SUCLG2: variants seen among roughly 807,000 people sequenced by gnomAD.
SUCLG2 encodes the protein succinate-CoA ligase GDP-forming subunit beta, also known as succinate--CoA ligase [GDP-forming] subunit beta, mitochondrial.
In SUCLG2, 42 loss-of-function variants were observed where a neutral mutation model predicts 47.9. The ratio of observed to expected loss-of-function variants is 0.88; its 90% CI spans 0.69 to 1.14. SUCLG2 has a LOEUF of 1.14. Ranked by LOEUF, SUCLG2 falls within the 50% of genes most tolerant of loss-of-function variation. SUCLG2 has a pLI of 0.00. For synonymous variants in SUCLG2, 195 were observed against 197.3 expected (o/e 0.99, Z 0.10); for missense variants, 571 against 525.9 (o/e 1.09, Z -0.84).
At chr3:67,499,153 G>T (rs973524408) in intron 7 of SUCLG2, among the ~76,000 whole-genome samples, 1 of 151,538 alleles carries the variant, frequency 6.6e-6, no homozygotes, top group Admixed American at 6.7e-5. Flanking sequence ...ACAGTGAAAT[G>T]ATTACTACAC....
At chr3:67,567,001 T>C (rs1559575379) in intron 2 of SUCLG2, among the ~76,000 whole-genome samples, 1 of 152,094 alleles carries the variant, frequency 6.6e-6, no homozygotes, top group Admixed American at 6.5e-5. Context: ...CCTGGCAACA[T>C]GGCAAAACCC....
chr3:67,533,208 TA>T (rs970179837), intron 2 of SUCLG2, among the ~76,000 whole-genome samples: 17 of 152,358 alleles, frequency 1.1e-4, no homozygotes, highest in Admixed American at 8.5e-4. Context: ...AACTATTTTT[TA>T]AAAACAGTTC....
At chr3:67,486,320 G>C (rs954858013) in intron 9 of SUCLG2, among the ~76,000 whole-genome samples, 1 of 152,154 alleles carries the variant, frequency 6.6e-6, no homozygotes, top group Non-Finnish European at 1.5e-5. Context: ...GAAAGAGAAA[G>C]AAAAGGTGTC....
intron 2 of SUCLG2, among the ~76,000 whole-genome samples, chr3:67,533,634 T>C (rs573461412): frequency 9.9e-4 from 151 of 152,166 alleles, no homozygotes; most frequent in Non-Finnish European, 1.7e-3. Context: ...AATATACAAT[T>C]ATATAGAGAT....
At chr3:67,434,515 TA>T (rs1351459944) in intron 9 of SUCLG2, among the ~76,000 whole-genome samples, 1 of 151,908 alleles carries the variant, frequency 6.6e-6, no homozygotes, top group Non-Finnish European at 1.5e-5. Flanking sequence ...TTCCTGTCTC[TA>T]ACAATAACAA....
intron 2 of SUCLG2, among the ~76,000 whole-genome samples, chr3:67,553,455 A>G (rs1029776648): frequency 6.6e-6 from 1 of 152,250 alleles, no homozygotes; most frequent in African/African-American, 2.4e-5. Flanking sequence ...TGAAAATTAT[A>G]AGTTTAAAAT....
At chr3:67,515,442 T>C (rs1047828599) in intron 6 of SUCLG2, among the ~76,000 whole-genome samples, 6 of 152,200 alleles carry the variant, frequency 3.9e-5, no homozygotes, top group Admixed American at 3.9e-4. Flanking sequence ...CTGGTAATTT[T>C]TATGTAAAGC....
At chr3:67,586,105 C>G (rs1391121669) in intron 2 of SUCLG2, among the ~76,000 whole-genome samples, 1 of 151,826 alleles carries the variant, frequency 6.6e-6, no homozygotes, top group Non-Finnish European at 1.5e-5. Context: ...CCCACTTTAT[C>G]AGAACTACTT....
In SUCLG2 at chr3:67,630,327, T is replaced by C. The variant is rs552331476; in HGVS notation, c.85-20731A>G. Among the ~76,000 whole-genome samples, 7 of 152,312 alleles carry C rather than the reference T, an allele frequency of 4.6e-5. No homozygotes were observed. The South Asian group carries it at 8.3e-4, about 18-fold the overall frequency. On this transcript the variant is annotated intron_variant, in intron 1 of 10. Coordinates refer to ENST00000307227, the MANE Select transcript of SUCLG2 (RefSeq NM_003848.4). ...AGAAAATCATTTAAACTGTAGACTT[T>C]GGTGGTTCTATTATATAGAAGATTA...
At chr3:67,552,049 C>T (rs1707027559) in intron 2 of SUCLG2, among the ~76,000 whole-genome samples, 1 of 151,880 alleles carries the variant, frequency 6.6e-6, no homozygotes, top group Non-Finnish European at 1.5e-5. Flanking sequence ...CAGCAAGAAG[C>T]CACGCCACCC....
At chr3:67,559,517 T>C (rs954841721) in intron 2 of SUCLG2, among the ~76,000 whole-genome samples, 3 of 152,036 alleles carry the variant, frequency 2.0e-5, no homozygotes, top group Admixed American at 2.0e-4. Context: ...GAGAACAGCA[T>C]AGGGGAAACC....
At chr3:67,424,628 A>G (rs1309927245) in intron 9 of SUCLG2, among the ~76,000 whole-genome samples, 1 of 152,144 alleles carries the variant, frequency 6.6e-6, no homozygotes, top group African/African-American at 2.4e-5. Context: ...ATAGATAATC[A>G]TGTCTTAAAA....
chr3:67,554,818 G>A (rs1707113436), intron 2 of SUCLG2, among the ~76,000 whole-genome samples: 1 of 152,112 alleles, frequency 6.6e-6, no homozygotes, highest in African/African-American at 2.4e-5. Context: ...CTAGTTACAA[G>A]GGAGGTTGGG....
chr3:67,425,900 C>G (rs1278503522), intron 9 of SUCLG2, among the ~76,000 whole-genome samples: 1 of 152,186 alleles, frequency 6.6e-6, no homozygotes, highest in Non-Finnish European at 1.5e-5. Context: ...AAAATTTAGC[C>G]TCAAATAGAG....
At chr3:67,392,174 C>T (rs1174844472) in intron 10 of SUCLG2, among the ~76,000 whole-genome samples, 2 of 152,158 alleles carry the variant, frequency 1.3e-5, no homozygotes, top group Non-Finnish European at 2.9e-5. Context: ...CCTTCACTGA[C>T]CCCTGTGGAC....
intron 9 of SUCLG2, among the ~76,000 whole-genome samples, chr3:67,460,148 G>A (rs1209253370): frequency 6.6e-6 from 1 of 152,154 alleles, no homozygotes; most frequent in Non-Finnish European, 1.5e-5. Context: ...AGTAGGCCCT[G>A]CCTTATACCA....
intron 6 of SUCLG2, among the ~76,000 whole-genome samples, chr3:67,510,889 C>CTTTT (rs369542916): frequency 1.6e-5 from 2 of 124,128 alleles, no homozygotes; most frequent in Admixed American, 8.3e-5. Flanking sequence ...TTAAATTGTT[C>CTTTT]TTTTTTTTTT....
intron 9 of SUCLG2, among the ~76,000 whole-genome samples, chr3:67,446,629 T>G (rs1450770289): frequency 6.6e-6 from 1 of 151,068 alleles, no homozygotes; most frequent in Non-Finnish European, 1.5e-5. Flanking sequence ...AGATGGGATT[T>G]CACCATATTG....
At chr3:67,378,414 G>C (rs1305789257) in intron 10 of SUCLG2, among the ~76,000 whole-genome samples, 2 of 152,174 alleles carry the variant, frequency 1.3e-5, no homozygotes, top group African/African-American at 4.8e-5. Flanking sequence ...CTGCCCTCTG[G>C]AGAGACTCAC....
Sources: gnomAD v4.1 joint callset for allele counts (sites outside exome capture counted in the v4.1 genomes callset) on GRCh38, gnomAD v4.1.1 for gene constraint, MANE v1.5 for transcripts, NCBI Gene and HGNC (gene_info 2026-07-23, HGNC 2026-07-21) for gene names.